The following CDC42SE2 variants were observed in gnomAD, a reference collection of about 807,000 sequenced individuals.
The protein encoded by CDC42SE2 is CDC42 small effector protein 2.
CDC42SE2 carries 3 observed loss-of-function variants against 11.5 expected under a neutral mutation model. That is an observed-to-expected ratio of 0.26 (90% CI 0.12 to 0.67). The LOEUF (loss-of-function observed/expected upper bound fraction) is 0.67. CDC42SE2 is among the 30% of genes least tolerant of loss of function. The pLI, the probability that CDC42SE2 is intolerant of heterozygous loss-of-function variation, is 0.80. For missense variants in CDC42SE2, 82 were observed against 106.8 expected (o/e 0.77, Z 1.02); for synonymous variants, 33 against 34.8 (o/e 0.95, Z 0.18).
chr5:131,250,841 C>T (rs924426940), intron 1 of CDC42SE2, among the ~76,000 whole-genome samples: 5 of 151,972 alleles, frequency 3.3e-5, no homozygotes, highest in African/African-American at 1.2e-4. Flanking sequence ...GGAGTTAGAG[C>T]CCAGCCTGGT....
At chr5:131,286,378 C>G (rs942134798) in intron 1 of CDC42SE2, among the ~76,000 whole-genome samples, 2 of 141,546 alleles carry the variant, frequency 1.4e-5, no homozygotes, top group Non-Finnish European at 3.0e-5. Flanking sequence ...GCAAATGCAC[C>G]TGGCCAGTTT....
chr5:131,388,229 C>T (rs896439721), intron 4 of CDC42SE2, among the ~76,000 whole-genome samples: 7 of 152,046 alleles, frequency 4.6e-5, no homozygotes, highest in Admixed American at 1.3e-4. Flanking sequence ...TCCGGACCTC[C>T]GGTGATCCAC....
intron 2 of CDC42SE2, among the ~76,000 whole-genome samples, chr5:131,348,849 A>G (rs776462053): frequency 2.6e-5 from 4 of 152,204 alleles, no homozygotes; most frequent in Non-Finnish European, 5.9e-5. Context: ...ATCTACACCC[A>G]TCTGATCTTT....
chr5:131,221,232 A>G, the CDC42SE2 span, among the ~76,000 whole-genome samples: 2 of 152,166 alleles, frequency 1.3e-5, no homozygotes, highest in African/African-American at 4.8e-5. Flanking sequence ...CATGCAGCAC[A>G]GGATGACTTT....
intron 1 of CDC42SE2, among the ~76,000 whole-genome samples, chr5:131,268,985 G>T (rs1236189021): frequency 6.6e-6 from 1 of 151,826 alleles, no homozygotes; most frequent in Non-Finnish European, 1.5e-5. Flanking sequence ...GCTTGACCTC[G>T]TGATCCGCCC....
chr5:131,221,942 T>C, the CDC42SE2 span, among the ~76,000 whole-genome samples: 3 of 152,250 alleles, frequency 2.0e-5, no homozygotes, highest in Non-Finnish European at 4.4e-5. Flanking sequence ...TTACCATTGA[T>C]TCATATGTAT....
chr5:131,254,240 G>A (rs1165837911), intron 1 of CDC42SE2, among the ~76,000 whole-genome samples: 1 of 152,030 alleles, frequency 6.6e-6, no homozygotes, highest in East Asian at 1.9e-4. Flanking sequence ...TTTCACATGT[G>A]TATAGAAATA....
At chr5:131,230,801 T>A in the CDC42SE2 span, among the ~76,000 whole-genome samples, 2 of 152,250 alleles carry the variant, frequency 1.3e-5, no homozygotes, top group Non-Finnish European at 2.9e-5. Context: ...GTTTATCGTT[T>A]GTTTACGTTT....
the CDC42SE2 span, among the ~76,000 whole-genome samples, chr5:131,211,321 A>G: frequency 6.6e-6 from 1 of 152,126 alleles, no homozygotes; most frequent in African/African-American, 2.4e-5. Flanking sequence ...ATTTAATTTT[A>G]TTTTTTAATT....
chr5:131,332,429 C>T (rs1758440862), intron 2 of CDC42SE2, among the ~76,000 whole-genome samples: 4 of 152,158 alleles, frequency 2.6e-5, no homozygotes, highest in African/African-American at 9.7e-5. Context: ...AATAAACATA[C>T]ATGTGCATGT....
intron 3 of CDC42SE2, among the ~76,000 whole-genome samples, chr5:131,367,769 C>G (rs1388263029): frequency 1.3e-5 from 2 of 152,020 alleles, no homozygotes; most frequent in East Asian, 3.9e-4. Flanking sequence ...CCTTTTTTGG[C>G]TTATATTTTT....
intron 2 of CDC42SE2, among the ~76,000 whole-genome samples, chr5:131,258,212 C>A (rs1284224811): frequency 6.6e-6 from 1 of 152,106 alleles, no homozygotes; most frequent in African/African-American, 2.4e-5. Context: ...GTGCCACATC[C>A]CCTTTCTCTT....
chr5:131,273,873 G>T (rs1187285692), intron 1 of CDC42SE2, among the ~76,000 whole-genome samples: 1 of 152,154 alleles, frequency 6.6e-6, no homozygotes, highest in East Asian at 1.9e-4. Flanking sequence ...GACCTCCCGG[G>T]CTCAGGTGAT....
At chr5:131,364,318 G>C (rs937150927) in intron 3 of CDC42SE2, among the ~76,000 whole-genome samples, 1 of 152,164 alleles carries the variant, frequency 6.6e-6, no homozygotes, top group Non-Finnish European at 1.5e-5. Flanking sequence ...AAGTTTAAGG[G>C]AGTAAAATAC....
chr5:131,370,426 C>T (rs1255157575), intron 3 of CDC42SE2, among the ~76,000 whole-genome samples: 1 of 151,692 alleles, frequency 6.6e-6, no homozygotes, highest in Non-Finnish European at 1.5e-5. Flanking sequence ...ACTATGTGTT[C>T]CTCTTAACTG....
intron 3 of CDC42SE2, among the ~76,000 whole-genome samples, chr5:131,373,373 A>G (rs987616464): frequency 3.3e-5 from 5 of 152,302 alleles, no homozygotes; most frequent in African/African-American, 1.2e-4. Context: ...AGAGGGGGAT[A>G]CTGATAAGCA....
the CDC42SE2 span, among the ~76,000 whole-genome samples, chr5:131,216,726 C>A: frequency 6.6e-6 from 1 of 152,170 alleles, no homozygotes; most frequent in South Asian, 2.1e-4. Flanking sequence ...CAGGTCCCCA[C>A]AAAGATGTCA....
intron 1 of CDC42SE2, among the ~76,000 whole-genome samples, chr5:131,285,680 G>T (rs1041824786): frequency 1.3e-5 from 2 of 152,142 alleles, no homozygotes; most frequent in African/African-American, 2.4e-5. Flanking sequence ...AGGCAATTTG[G>T]TACTTACAAA....
intron 2 of CDC42SE2, among the ~76,000 whole-genome samples, chr5:131,355,258 TATAAC>T (rs746736034): frequency 6.6e-5 from 10 of 152,140 alleles, no homozygotes; most frequent in Non-Finnish European, 1.3e-4. Flanking sequence ...TATTTCATTT[TATAAC>T]TAAGAAAACT....
Sources: gnomAD v4.1 joint callset for allele counts (sites outside exome capture counted in the v4.1 genomes callset) on GRCh38, gnomAD v4.1.1 for gene constraint, MANE v1.5 for transcripts, NCBI Gene and HGNC (gene_info 2026-07-23, HGNC 2026-07-21) for gene names.